Variants in NRXN3 observed in about 807,000 individuals in gnomAD.
NRXN3 encodes the protein neurexin III.
Under a neutral mutation model 137.6 loss-of-function variants are expected in NRXN3, and 32 were observed. The observed-to-expected ratio is 0.23, with a 90% CI of 0.18 to 0.31. The LOEUF is 0.31. Among genes scored for constraint, NRXN3 ranks in the 10% least tolerant of loss-of-function variants. The probability of loss-of-function intolerance (pLI) is 1.00; values close to 1 mark genes in which losing one functional copy is unlikely to be tolerated. For synonymous variants in NRXN3, 798 were observed against 784.5 expected, an observed-to-expected ratio of 1.02 and a Z score of -0.29; for missense variants, 1,574 against 2,062.5, an observed-to-expected ratio of 0.76 and a Z score of 4.59.
chr14:78,959,465 T>A (rs1549265), intron 11 of NRXN3, among the ~76,000 whole-genome samples: 17,912 of 152,010 alleles, frequency 0.12, 1,246 homozygotes, highest in African/African-American at 0.15. Context: ...TATAATGGAA[T>A]GGGTTGGAGT....
chr14:78,236,086 A>T (rs993429361), intron 1 of NRXN3, among the ~76,000 whole-genome samples: 1 of 152,238 alleles, frequency 6.6e-6, no homozygotes, highest in African/African-American at 2.4e-5. Flanking sequence ...ATAGATTAAC[A>T]TATATATGTA....
intron 8 of NRXN3, among the ~76,000 whole-genome samples, chr14:78,772,253 G>C (rs761426381): frequency 1.3e-5 from 2 of 152,142 alleles, no homozygotes; most frequent in Non-Finnish European, 2.9e-5. Flanking sequence ...GTATGTAAAT[G>C]AAAAGAAGTG....
chr14:79,733,531 A>G (rs2098931462), intron 19 of NRXN3, among the ~76,000 whole-genome samples: 1 of 152,138 alleles, frequency 6.6e-6, no homozygotes, highest in Non-Finnish European at 1.5e-5. Context: ...GATTGCAACA[A>G]TTCTTTATCA....
intron 2 of NRXN3, among the ~76,000 whole-genome samples, chr14:78,253,761 C>T (rs1051721334): frequency 2.0e-5 from 3 of 152,150 alleles, no homozygotes; most frequent in Non-Finnish European, 4.4e-5. Flanking sequence ...ATTTCTCATC[C>T]TCCTCTGCAC....
At chr14:79,651,072 G>C (rs935854494) in intron 16 of NRXN3, among the ~76,000 whole-genome samples, 10 of 152,208 alleles carry the variant, frequency 6.6e-5, no homozygotes, top group African/African-American at 2.4e-4. Flanking sequence ...CAATTAACTG[G>C]TAATAGGATG....
At chr14:78,466,013 G>A (rs187782513) in intron 4 of NRXN3, among the ~76,000 whole-genome samples, 12 of 151,092 alleles carry the variant, frequency 7.9e-5, no homozygotes, top group Admixed American at 5.9e-4. Flanking sequence ...CACCACGCCC[G>A]GCTAATTTTT....
chr14:79,254,077 T>C (rs2076277179), intron 15 of NRXN3, among the ~76,000 whole-genome samples: 1 of 152,296 alleles, frequency 6.6e-6, no homozygotes, highest in African/African-American at 2.4e-5. Flanking sequence ...TATTTTTTTC[T>C]TGACTACCCT....
intron 4 of NRXN3, among the ~76,000 whole-genome samples, chr14:78,493,787 G>A (rs1544622): frequency 0.35 from 52,816 of 151,920 alleles, 9,893 homozygotes; most frequent in Admixed American, 0.42. Flanking sequence ...ACATTCCAAA[G>A]CAGGATAAAA....
At chr14:78,729,942 T>C (rs2098506740) in intron 8 of NRXN3, among the ~76,000 whole-genome samples, 1 of 152,168 alleles carries the variant, frequency 6.6e-6, no homozygotes, top group Admixed American at 6.5e-5. Context: ...AGAATTCTGG[T>C]TTATTATCTG....
intron 15 of NRXN3, among the ~76,000 whole-genome samples, chr14:79,235,373 G>C (rs2073182378): frequency 6.6e-6 from 1 of 152,138 alleles, no homozygotes; most frequent in Non-Finnish European, 1.5e-5. Flanking sequence ...ATCCTGCCTG[G>C]ATAATTGAAA....
chr14:78,403,853 C>A lies in NRXN3; in HGVS notation c.757+105993C>A, dbSNP rs772232683. On this transcript the variant is annotated intron_variant, in intron 4 of 20. Transcript: ENST00000335750. ...TATGCACTCTGCACTTCCATTCCTGCAGTGAAATTAACTCGAGCTTGGCAG... is the reference window on the plus strand; with the variant it reads ...TATGCACTCTGCACTTCCATTCCTGAAGTGAAATTAACTCGAGCTTGGCAG... 82 of 985,214 alleles carry A rather than the reference C, an allele frequency of 8.3e-5. 1 individual carries two copies. Among genetic ancestry groups the A allele is most frequent in the Admixed American group, 4.3e-4 (7 of 16,252 alleles). The allele number at this position is 985,214 out of a possible 1,614,324, so 61.0% of individuals were successfully genotyped here.
chr14:78,741,016 T>A (rs1283805922), intron 8 of NRXN3, among the ~76,000 whole-genome samples: 6 of 152,186 alleles, frequency 3.9e-5, no homozygotes, highest in African/African-American at 1.4e-4. Flanking sequence ...CAAGATGTTT[T>A]CCTATTAGGT....
chr14:79,633,341 G>C (rs1219009936), intron 16 of NRXN3: 1 of 152,032 alleles, frequency 6.6e-6, no homozygotes, highest in East Asian at 1.9e-4. Flanking sequence ...CTGTTGCTTG[G>C]TAAGTTCCAA....
intron 1 of NRXN3, among the ~76,000 whole-genome samples, chr14:78,215,973 T>A (rs970738394): frequency 6.6e-6 from 1 of 152,164 alleles, no homozygotes; most frequent in African/African-American, 2.4e-5. Flanking sequence ...TGTGTAATGA[T>A]AACATGGGGA....
chr14:79,412,337 G>C (rs2095428863), intron 15 of NRXN3, among the ~76,000 whole-genome samples: 1 of 152,084 alleles, frequency 6.6e-6, no homozygotes, highest in Admixed American at 6.6e-5. Context: ...CCTTTCACTA[G>C]GCTACAAAGA....
At chr14:79,113,803 A>G (rs1420608398) in intron 15 of NRXN3, among the ~76,000 whole-genome samples, 2 of 152,204 alleles carry the variant, frequency 1.3e-5, no homozygotes, top group African/African-American at 4.8e-5. Context: ...TTTGTGCATC[A>G]GGATCACTGG....
intron 2 of NRXN3, among the ~76,000 whole-genome samples, chr14:78,250,404 A>G (rs1221528638): frequency 6.6e-6 from 1 of 152,108 alleles, no homozygotes; most frequent in African/African-American, 2.4e-5. Flanking sequence ...TTCACAGGAG[A>G]TTTGATGCTT....
intron 4 of NRXN3, among the ~76,000 whole-genome samples, chr14:78,298,785 A>G (rs1317337694): frequency 4.6e-5 from 7 of 152,202 alleles, no homozygotes; most frequent in Admixed American, 1.3e-4. Context: ...TGAAATATAC[A>G]TGGGACTCAG....
chr14:79,366,610 T>A (rs2153427480), intron 15 of NRXN3, among the ~76,000 whole-genome samples: 1 of 152,320 alleles, frequency 6.6e-6, no homozygotes, highest in South Asian at 2.1e-4. Context: ...TGTCTTCTTT[T>A]TTTCCATAGC....
Sources: gnomAD v4.1 joint callset for allele counts (sites outside exome capture counted in the v4.1 genomes callset) on GRCh38, gnomAD v4.1.1 for gene constraint, MANE v1.5 for transcripts, NCBI Gene and HGNC (gene_info 2026-07-23, HGNC 2026-07-21) for gene names.